CASD1: variants seen among roughly 807,000 people sequenced by gnomAD.
CASD1 encodes the protein N-acetylneuraminate (7)9-O-acetyltransferase.
CASD1 carries 41 observed loss-of-function variants against 100.0 expected under a neutral mutation model. The observed-to-expected ratio is 0.41, with a 90% CI of 0.32 to 0.53. CASD1 has a LOEUF of 0.53. CASD1 is among the 20% of genes least tolerant of loss of function. The pLI is 0.25. For synonymous variants in CASD1, 321 were observed against 315.6 expected, an observed-to-expected ratio of 1.02 and a Z score of -0.18; for missense variants, 774 against 948.7, an observed-to-expected ratio of 0.82 and a Z score of 2.42.
the CASD1 span, among the ~76,000 whole-genome samples, chr7:94,593,838 CCTT>C: frequency 6.6e-6 from 1 of 152,026 alleles, no homozygotes; most frequent in South Asian, 2.1e-4. Context: ...GAATAACAAC[CCTT>C]CTTACTCAGA....
At chr7:94,587,476 C>A in the CASD1 span, 1 of 1,254,864 alleles carries the variant, frequency 8.0e-7, no homozygotes, top group African/African-American at 1.6e-5. Flanking sequence ...CGAAGAAGTT[C>A]TATCATTTCT....
At chr7:94,527,756 A>G (rs1418393334) in intron 4 of CASD1, among the ~76,000 whole-genome samples, 1 of 152,178 alleles carries the variant, frequency 6.6e-6, no homozygotes, top group African/African-American at 2.4e-5. Context: ...CCTAGAGAAA[A>G]AGGAGAACAT....
At chr7:94,537,327 AT>A (rs767466068) in intron 8 of CASD1, 144 bp from the exon 9 acceptor site, 43 of 715,334 alleles carry the variant, frequency 6.0e-5, no homozygotes, top group Middle Eastern at 3.6e-4. Context: ...GAATACCATT[AT>A]TTGCATGATT....
rs569026905 is a variant in CASD1 at position 94,522,580 on chromosome 7, C to A, written c.351+4257C>A. ...CATGCTTGATTCTGTAAGCTTATAG[C>A]TCAATAATTTAGAAAATACACTTTA... On this transcript the variant is annotated intron_variant, in intron 3 of 17. Coordinates refer to ENST00000297273, the MANE Select transcript of CASD1 (RefSeq NM_022900.5). 2.6e-5 allele frequency among the ~76,000 whole-genome samples: 4 copies of A among 152,216 alleles called. No individual in the cohort carries two copies. The South Asian group carries it at 8.3e-4, about 32-fold the overall frequency.
At chr7:94,550,418 A>G (rs1032345940) in intron 14 of CASD1, among the ~76,000 whole-genome samples, 4 of 152,126 alleles carry the variant, frequency 2.6e-5, no homozygotes, top group Non-Finnish European at 5.9e-5. Flanking sequence ...CTTCACATCA[A>G]ATAATTTTTA....
the CASD1 span, among the ~76,000 whole-genome samples, chr7:94,574,876 A>G: frequency 2.6e-5 from 4 of 152,118 alleles, no homozygotes; most frequent in Non-Finnish European, 5.9e-5. Context: ...AGGCTGAGGC[A>G]GGAGAATGGC....
At chr7:94,596,340 T>G in the CASD1 span, among the ~76,000 whole-genome samples, 1 of 152,174 alleles carries the variant, frequency 6.6e-6, no homozygotes, top group Non-Finnish European at 1.5e-5. Context: ...AAGGGTTATC[T>G]TAAAATGACA....
chr7:94,617,324 C>T, the CASD1 span: 1 of 152,200 alleles, frequency 6.6e-6, no homozygotes, highest in African/African-American at 2.4e-5. Context: ...GTGGGACCTG[C>T]ACTACTAACG....
At chr7:94,587,045 G>A in the CASD1 span, 1 of 984,630 alleles carries the variant, frequency 1.0e-6, no homozygotes, top group East Asian at 1.1e-4. Context: ...AAAAAGGAGA[G>A]CAAAGCTTTC....
the CASD1 span, among the ~76,000 whole-genome samples, chr7:94,596,981 G>C: frequency 1.3e-5 from 2 of 151,868 alleles, no homozygotes; most frequent in African/African-American, 2.4e-5. Context: ...AAAGGGATAA[G>C]AGGTTGTTAA....
the CASD1 span, among the ~76,000 whole-genome samples, chr7:94,612,170 A>T: frequency 2.0e-5 from 3 of 152,150 alleles, no homozygotes; most frequent in Non-Finnish European, 4.4e-5. Context: ...CAAGACATTG[A>T]TTTGTATTTG....
chr7:94,602,187 C>T, the CASD1 span, among the ~76,000 whole-genome samples: 15 of 152,162 alleles, frequency 9.9e-5, no homozygotes, highest in South Asian at 2.1e-4. Context: ...TGCAGCTGCT[C>T]AGTCTCCTGC....
At position 94,556,022 on chromosome 7, in the gene CASD1, A is replaced by G. The variant is rs563821669; in HGVS notation, c.*264A>G. ...ATGTGAAGTCTTTTCTACTGAATCT[A>G]TATTTCCATTTGTAAGTGATTTTAA... On this transcript the variant is annotated 3_prime_UTR_variant, in exon 18 of 18. Coordinates refer to ENST00000297273, the MANE Select transcript of CASD1 (RefSeq NM_022900.5). The G allele has an allele frequency of 2.8e-5, 8 of 289,394 alleles. No individual in the cohort carries two copies. Among genetic ancestry groups the G allele is most frequent in the Admixed American group, 1.4e-4 (3 of 20,892 alleles). 17.9% of individuals were successfully genotyped at this position (289,394 alleles called of 1,614,324 possible). A position where few individuals can be genotyped will look rare whatever the true frequency, so the allele number is the denominator to read the frequency against.
the CASD1 span, among the ~76,000 whole-genome samples, chr7:94,569,360 C>A: frequency 6.6e-6 from 1 of 152,068 alleles, no homozygotes; most frequent in East Asian, 1.9e-4. Context: ...CTATATAACA[C>A]CATGTAGTGC....
At chr7:94,558,833 T>C (rs1796289243), downstream of CASD1, among the ~76,000 whole-genome samples, 2 of 152,164 alleles carry the variant, frequency 1.3e-5, no homozygotes, top group Admixed American at 1.3e-4. Flanking sequence ...AGGGTCTTAC[T>C]CTGTCACCTA....
the CASD1 span, chr7:94,585,566 C>G: frequency 2.3e-6 from 3 of 1,311,042 alleles, no homozygotes; most frequent in South Asian, 1.2e-5. Flanking sequence ...GGCATGGATA[C>G]TTTTAGATTT....
rs528002832 is a variant in CASD1, at chr7:94,517,430, G to C, written c.134-130G>C. On this transcript the variant is annotated intron_variant, in intron 1 of 17. Transcript: ENST00000297273. Reference sequence around the variant, plus strand: ...CATGTTTCTCATGAGTGGGAACTGTGAACCTGGGCGGTACAGTGAAACAGA... The same window carrying C: ...CATGTTTCTCATGAGTGGGAACTGTCAACCTGGGCGGTACAGTGAAACAGA... 5.6e-6 allele frequency: 3 copies of C among 532,668 alleles called. No individual in the cohort carries two copies. In the South Asian group the frequency reaches 9.1e-5, roughly 16 times the overall value. 33.0% of individuals were successfully genotyped at this position (532,668 alleles called of 1,614,324 possible). A position where few individuals can be genotyped will look rare whatever the true frequency, so the allele number is the denominator to read the frequency against.
At position 94,535,307 on chromosome 7, in the gene CASD1, A is replaced by G; in HGVS notation, c.629-2A>G. 1.2e-6 allele frequency: 2 copies of G among 1,606,760 alleles called. No individual in the cohort carries two copies. Among genetic ancestry groups the G allele is most frequent in the Non-Finnish European group, 1.7e-6 (2 of 1,174,422 alleles). ...GTTTTTAAAAATGTGTCTCACGTGC[A>G]GATCCTGTTTATGAAGATCTATTAA... On this transcript the variant is annotated splice_acceptor_variant, in intron 7 of 17. Coordinates refer to ENST00000297273, the MANE Select transcript of CASD1 (RefSeq NM_022900.5). LOFTEE classifies it high-confidence loss of function.
At chr7:94,585,269 T>C in the CASD1 span, 2 of 462,546 alleles carry the variant, frequency 4.3e-6, no homozygotes, top group Non-Finnish European at 3.9e-6. Flanking sequence ...ACTTTTATTG[T>C]AACAAATATA....
Sources: allele counts gnomAD v4.1 joint callset (sites outside exome capture counted in the v4.1 genomes callset), GRCh38; gene constraint gnomAD v4.1.1; transcripts MANE v1.5; gene names NCBI Gene and HGNC (gene_info 2026-07-23, HGNC 2026-07-21).